PXDNL: variants seen among roughly 807,000 people sequenced by gnomAD.
The protein encoded by PXDNL is probable oxidoreductase PXDNL.
PXDNL carries 145 observed loss-of-function variants against 150.8 expected under a neutral mutation model. The observed-to-expected ratio is 0.96, with a 90% CI of 0.84 to 1.10. The LOEUF (loss-of-function observed/expected upper bound fraction) is 1.10. PXDNL is among the 50% of genes least tolerant of loss of function. The pLI, the probability that PXDNL is intolerant of heterozygous loss-of-function variation, is 0.00. For synonymous variants in PXDNL, 757 were observed against 725.7 expected, an observed-to-expected ratio of 1.04 and a Z score of -0.69; for missense variants, 2,087 against 1,873.9, an observed-to-expected ratio of 1.11 and a Z score of -2.10.
At chr8:51,747,293 CTTTTT>C (rs2036996343) in intron 1 of PXDNL, among the ~76,000 whole-genome samples, 1 of 152,196 alleles carries the variant, frequency 6.6e-6, no homozygotes, top group Admixed American at 6.5e-5. Context: ...CTTCACTTTT[CTTTTT>C]AATTGTCAAT....
chr8:51,625,269 C>T (rs1056983404), intron 2 of PXDNL, among the ~76,000 whole-genome samples: 3 of 152,044 alleles, frequency 2.0e-5, no homozygotes, highest in Non-Finnish European at 4.4e-5. Context: ...CAAAAGCAAG[C>T]TAAGACTCTT....
intron 19 of PXDNL, among the ~76,000 whole-genome samples, chr8:51,350,425 T>C (rs1806313971): frequency 7.1e-6 from 1 of 140,326 alleles, no homozygotes; most frequent in Admixed American, 7.9e-5. Flanking sequence ...AATGATGCGA[T>C]CTCGGCTAAC....
intron 1 of PXDNL, among the ~76,000 whole-genome samples, chr8:51,733,836 T>TTA (rs5891430): frequency 0.15 from 20,692 of 142,478 alleles, 1,839 homozygotes; most frequent in Non-Finnish European, 0.2. Context: ...TATATATAAT[T>TTA]TATATATATA....
intron 3 of PXDNL, among the ~76,000 whole-genome samples, chr8:51,559,928 C>T (rs1035727766): frequency 1.3e-5 from 2 of 151,898 alleles, no homozygotes; most frequent in East Asian, 1.9e-4. Context: ...GGAAAATTAC[C>T]TGTAAATACT....
At chr8:51,690,636 C>G (rs1007273397) in intron 1 of PXDNL, among the ~76,000 whole-genome samples, 1 of 152,142 alleles carries the variant, frequency 6.6e-6, no homozygotes, top group African/African-American at 2.4e-5. Context: ...ACATATGTGT[C>G]CATGTGTCGT....
intron 2 of PXDNL, among the ~76,000 whole-genome samples, chr8:51,597,608 G>T (rs1813600206): frequency 6.6e-6 from 1 of 150,972 alleles, no homozygotes; most frequent in African/African-American, 2.4e-5. Context: ...TGTTTTCCTT[G>T]TAGAGGTCTT....
At chr8:51,424,199 C>CA (rs950437762) in intron 13 of PXDNL, among the ~76,000 whole-genome samples, 81 of 150,048 alleles carry the variant, frequency 5.4e-4, no homozygotes, top group African/African-American at 1.8e-3. Flanking sequence ...CCCATCCCTA[C>CA]AAAAAAAAAT....
chr8:51,423,262 C>T (rs763029189), intron 14 of PXDNL, among the ~76,000 whole-genome samples: 3 of 152,180 alleles, frequency 2.0e-5, no homozygotes, highest in Non-Finnish European at 2.9e-5. Flanking sequence ...CCACCTCCGG[C>T]TCCACATTTT....
intron 11 of PXDNL, among the ~76,000 whole-genome samples, chr8:51,448,622 C>G (rs1809734498): frequency 6.6e-6 from 1 of 152,090 alleles, no homozygotes; most frequent in Admixed American, 6.6e-5. Context: ...ATGGCGTGAA[C>G]CCGGGAGGCG....
intron 3 of PXDNL, among the ~76,000 whole-genome samples, chr8:51,581,552 T>C (rs1179652159): frequency 1.3e-5 from 2 of 150,684 alleles, no homozygotes; most frequent in East Asian, 3.9e-4. Context: ...ATAAAACATA[T>C]GCACCAGAAA....
intron 5 of PXDNL, among the ~76,000 whole-genome samples, chr8:51,493,687 G>A (rs558477912): frequency 4.4e-4 from 67 of 152,292 alleles, no homozygotes; most frequent in African/African-American, 1.5e-3. Flanking sequence ...ATCAGTGATG[G>A]AAGATCAAAT....
intron 19 of PXDNL, among the ~76,000 whole-genome samples, chr8:51,352,945 C>T (rs994644445): frequency 5.3e-5 from 8 of 151,886 alleles, no homozygotes; most frequent in Admixed American, 2.0e-4. Context: ...CTGGAGACTC[C>T]GAAAGGTAGG....
chr8:51,487,963 C>A (rs1254634562), intron 5 of PXDNL, among the ~76,000 whole-genome samples: 1 of 152,256 alleles, frequency 6.6e-6, no homozygotes, highest in East Asian at 1.9e-4. Context: ...GTGCAGTCTG[C>A]AGATAAAGTC....
At chr8:51,410,679 A>G (rs986589310) in intron 16 of PXDNL, among the ~76,000 whole-genome samples, 4 of 152,368 alleles carry the variant, frequency 2.6e-5, no homozygotes, top group South Asian at 2.1e-4. Flanking sequence ...ATTTCATTTG[A>G]AAGAGAACAA....
intron 2 of PXDNL, among the ~76,000 whole-genome samples, chr8:51,610,573 G>A (rs994224207): frequency 1.3e-5 from 2 of 151,990 alleles, no homozygotes; most frequent in African/African-American, 2.4e-5. Context: ...ACAAATTACC[G>A]CCAATTCAAT....
In PXDNL at chr8:51,809,139, G is replaced by A. The variant is rs748601487; in HGVS notation, c.164+42C>T. The A allele has an allele frequency of 1.3e-4, 203 of 1,601,708 alleles. 3 individuals are homozygous for A. The Middle Eastern group carries it at 2.2e-3, about 17-fold the overall frequency. On this transcript the variant is annotated intron_variant, in intron 1 of 22. Coordinates refer to ENST00000356297, the MANE Select transcript of PXDNL (RefSeq NM_144651.5). Reference sequence around the variant, plus strand: ...CAGGTCCTAGCAGAGAAGCAATGAAGCATTGGGGAAGAGGGTTTCTGGGGA... The same window carrying A: ...CAGGTCCTAGCAGAGAAGCAATGAAACATTGGGGAAGAGGGTTTCTGGGGA...
chr8:51,434,791 CAG>C (rs1809350125), intron 12 of PXDNL, among the ~76,000 whole-genome samples: 1 of 152,130 alleles, frequency 6.6e-6, no homozygotes, highest in Admixed American at 6.6e-5. Context: ...AGAATTATGA[CAG>C]AATGTAACAC....
chr8:51,526,130 G>T (rs36035820), intron 4 of PXDNL, among the ~76,000 whole-genome samples: 17,078 of 152,152 alleles, frequency 0.11, 1,269 homozygotes, highest in Admixed American at 0.22. Context: ...CAATGTGTGT[G>T]TGTCAATCAC....
At chr8:51,649,693 T>G (rs1348390858) in intron 2 of PXDNL, among the ~76,000 whole-genome samples, 1 of 152,204 alleles carries the variant, frequency 6.6e-6, no homozygotes, top group African/African-American at 2.4e-5. Context: ...ATTAATGCTA[T>G]TTCTTTCTTT....
Sources: allele counts gnomAD v4.1 joint callset (sites outside exome capture counted in the v4.1 genomes callset), GRCh38; gene constraint gnomAD v4.1.1; transcripts MANE v1.5; gene names NCBI Gene and HGNC (gene_info 2026-07-23, HGNC 2026-07-21).